Variants in PRKN observed in about 807,000 individuals in gnomAD.
PRKN encodes the protein parkin RBR E3 ubiquitin protein ligase.
A neutral mutation model predicts 59.5 loss-of-function variants in PRKN; 56 were observed. The observed-to-expected ratio is 0.94, with a 90% confidence interval of 0.76 to 1.18. The LOEUF (loss-of-function observed/expected upper bound fraction) is 1.18, where lower values mean the gene tolerates loss of function less well. PRKN is among the 50% of genes most tolerant of loss of function. PRKN has a pLI of 0.00. For missense variants in PRKN, 657 were observed against 596.4 expected (o/e 1.10, Z -1.06); for synonymous variants, 250 against 222.1 (o/e 1.13, Z -1.12).
At chr6:161,744,961 C>T (rs1167106404) in intron 7 of PRKN, among the ~76,000 whole-genome samples, 2 of 152,104 alleles carry the variant, frequency 1.3e-5, no homozygotes, top group Non-Finnish European at 1.5e-5. Flanking sequence ...TCAATATTAG[C>T]GTTATGTCCA....
intron 6 of PRKN, among the ~76,000 whole-genome samples, chr6:161,815,925 T>C (rs1791760895): frequency 6.6e-6 from 1 of 152,204 alleles, no homozygotes; most frequent in African/African-American, 2.4e-5. Context: ...ACACTCACTA[T>C]GGAAAAATAG....
At chr6:161,868,942 T>A (rs1794231188) in intron 6 of PRKN, among the ~76,000 whole-genome samples, 1 of 152,174 alleles carries the variant, frequency 6.6e-6, no homozygotes, top group Admixed American at 6.5e-5. Flanking sequence ...TACAATTACT[T>A]TAAAAATTGT....
At chr6:162,570,546 T>C (rs1467619361) in intron 1 of PRKN, among the ~76,000 whole-genome samples, 1 of 152,176 alleles carries the variant, frequency 6.6e-6, no homozygotes, top group Admixed American at 6.5e-5. Context: ...TATATAATAG[T>C]TAAGATTTGG....
Position 162,262,499 on chromosome 6 carries a change from T to TAA in PRKN, c.412+24_412+25dup, listed in dbSNP as rs778352218. The TAA allele has an allele frequency of 2.5e-6, 4 of 1,613,840 alleles. No individual in the cohort carries two copies. The South Asian group carries it at 3.3e-5, about 13-fold the overall frequency. On this transcript the variant is annotated intron_variant, in intron 3 of 11. Transcript: ENST00000366898. ...CACTAAACAAACAAACAAAATGCTT[T>TAA]AATAATCTTAGAGCATTCCAATTAC...
intron 2 of PRKN, among the ~76,000 whole-genome samples, chr6:162,287,288 C>T (rs1286237616): frequency 6.6e-6 from 1 of 152,128 alleles, no homozygotes; most frequent in African/African-American, 2.4e-5. Flanking sequence ...TGCACATTGC[C>T]AGGCATGGGG....
rs1436216075 is a variant in PRKN at position 161,509,582 on chromosome 6, G to GA, written c.1083+39271dup. The stretch of plus-strand genomic sequence containing the variant: ...GTGCACCAGGAGCTTCCTTTGGGGG[G>GA]AAAAAAAGAAAAAAAGGCTGGGCAC... On this transcript the variant is annotated intron_variant, in intron 9 of 11. Transcript: ENST00000366898. Among the ~76,000 whole-genome samples, 3 of 150,394 alleles carry GA rather than the reference G, an allele frequency of 2.0e-5. No individual in the cohort carries two copies. In the South Asian group the frequency reaches 6.3e-4, roughly 32 times the overall value.
At chr6:161,596,553 T>A (rs756613160) in intron 7 of PRKN, among the ~76,000 whole-genome samples, 13 of 152,292 alleles carry the variant, frequency 8.5e-5, no homozygotes, top group Non-Finnish European at 1.9e-4. Flanking sequence ...TCCATTCATG[T>A]CTGCCTTGCC....
intron 1 of PRKN, among the ~76,000 whole-genome samples, chr6:162,628,945 C>T (rs1278978163): frequency 2.0e-5 from 3 of 151,982 alleles, no homozygotes; most frequent in Non-Finnish European, 4.4e-5. Flanking sequence ...AATAATGTCT[C>T]GTACTATTTT....
chr6:162,069,895 G>T (rs78566323), intron 4 of PRKN, among the ~76,000 whole-genome samples: 43,837 of 152,014 alleles, frequency 0.29, 6,923 homozygotes, highest in East Asian at 0.62. Context: ...ACTTTATATG[G>T]TATACAGGAC....
At chr6:161,629,676 A>T (rs1310310219) in intron 7 of PRKN, among the ~76,000 whole-genome samples, 1 of 151,938 alleles carries the variant, frequency 6.6e-6, no homozygotes, top group Non-Finnish European at 1.5e-5. Context: ...TTCTCACCCA[A>T]CCATCCTCCG....
intron 6 of PRKN, among the ~76,000 whole-genome samples, chr6:161,874,205 TATGTAAA>T (rs1794516956): frequency 7.4e-5 from 4 of 53,808 alleles, no homozygotes; most frequent in South Asian, 7.3e-4. Context: ...ATATATATTA[TATGTAAA>T]ATATAATATA....
chr6:162,019,564 C>T (rs957497216), intron 5 of PRKN, among the ~76,000 whole-genome samples: 1 of 152,182 alleles, frequency 6.6e-6, no homozygotes, highest in Non-Finnish European at 1.5e-5. Context: ...TGTAATTAAT[C>T]TGCTGAGCAG....
At chr6:162,496,276 A>G (rs1228316130) in intron 1 of PRKN, among the ~76,000 whole-genome samples, 2 of 152,164 alleles carry the variant, frequency 1.3e-5, no homozygotes, top group Non-Finnish European at 2.9e-5. Flanking sequence ...ATAGATTAAA[A>G]TGATTGATTG....
At chr6:162,010,724 CAT>C (rs1782552751) in intron 5 of PRKN, among the ~76,000 whole-genome samples, 1 of 1,824 alleles carries the variant, frequency 5.5e-4, no homozygotes, top group African/African-American at 0.022. Flanking sequence ...ATATATAATA[CAT>C]ATTATATAAT....
chr6:162,713,311 A>G (rs997522600), intron 1 of PRKN, among the ~76,000 whole-genome samples: 4 of 152,152 alleles, frequency 2.6e-5, no homozygotes, highest in Middle Eastern at 3.4e-3. Context: ...TGGCTAACAC[A>G]GTGAAACCCC....
chr6:162,074,696 C>T (rs191848049), intron 4 of PRKN, among the ~76,000 whole-genome samples: 12 of 152,244 alleles, frequency 7.9e-5, no homozygotes, highest in Middle Eastern at 3.4e-3. Flanking sequence ...TCGTCCTCCA[C>T]GAAAATGCAG....
chr6:162,393,766 G>A (rs893672925), intron 2 of PRKN, among the ~76,000 whole-genome samples: 2 of 152,128 alleles, frequency 1.3e-5, no homozygotes, highest in African/African-American at 4.8e-5. Flanking sequence ...GACCACAGGA[G>A]CATCATAACT....
intron 2 of PRKN, among the ~76,000 whole-genome samples, chr6:162,381,000 G>A (rs1371821011): frequency 6.6e-6 from 1 of 152,114 alleles, no homozygotes; most frequent in Non-Finnish European, 1.5e-5. Context: ...CATGGATTCA[G>A]CCAGACTTAG....
intron 9 of PRKN, among the ~76,000 whole-genome samples, chr6:161,505,377 T>C (rs1778124381): frequency 6.7e-6 from 1 of 150,140 alleles, no homozygotes; most frequent in Admixed American, 6.6e-5. Context: ...GGGTTGTTTG[T>C]TTTTTTCTTG....
Sources: allele counts gnomAD v4.1 joint callset (sites outside exome capture counted in the v4.1 genomes callset), GRCh38; gene constraint gnomAD v4.1.1; transcripts MANE v1.5; gene names NCBI Gene and HGNC (gene_info 2026-07-23, HGNC 2026-07-21).